Variants in HECW1 observed in about 807,000 individuals in gnomAD.
HECW1 encodes HECT, C2 and WW domain containing E3 ubiquitin protein ligase 1, also known as E3 ubiquitin-protein ligase HECW1.
A neutral mutation model predicts 182.3 loss-of-function variants in HECW1; 61 were observed. The observed-to-expected ratio is 0.33, with a 90% CI of 0.27 to 0.41. HECW1 has a LOEUF of 0.41. HECW1 is among the 10% of genes least tolerant of loss of function. HECW1 has a pLI of 1.00. For synonymous variants in HECW1, 859 were observed against 832.6 expected, an observed-to-expected ratio of 1.03 and a Z score of -0.55; for missense variants, 1,739 against 2,108.9, an observed-to-expected ratio of 0.82 and a Z score of 3.44.
intron 24 of HECW1, among the ~76,000 whole-genome samples, chr7:43,524,514 G>A (rs1289804447): frequency 6.6e-6 from 1 of 152,130 alleles, no homozygotes; most frequent in African/African-American, 2.4e-5. Context: ...CTTTGAGATG[G>A]GTTTTTAAAA....
At chr7:43,166,890 A>G (rs1791180237) in intron 2 of HECW1, among the ~76,000 whole-genome samples, 1 of 152,212 alleles carries the variant, frequency 6.6e-6, no homozygotes, top group Admixed American at 6.5e-5. Flanking sequence ...GTGCTCCTGG[A>G]GAGCTCAGCA....
intron 19 of HECW1, among the ~76,000 whole-genome samples, chr7:43,495,160 A>C (rs1421107354): frequency 2.0e-5 from 3 of 152,124 alleles, no homozygotes; most frequent in Non-Finnish European, 4.4e-5. Context: ...AATGTGCAGA[A>C]AGTGCAGGAT....
intron 24 of HECW1, among the ~76,000 whole-genome samples, chr7:43,516,164 C>T (rs946899133): frequency 1.3e-5 from 2 of 151,992 alleles, no homozygotes; most frequent in African/African-American, 4.8e-5. Flanking sequence ...CGTTTCTTCC[C>T]GAAAATGTAA....
chr7:43,525,286 A>G (rs1003468159), intron 24 of HECW1, among the ~76,000 whole-genome samples: 5 of 152,270 alleles, frequency 3.3e-5, no homozygotes, highest in Admixed American at 2.6e-4. Context: ...CTGAAAATGT[A>G]ATTTCCATGA....
chr7:43,290,390 T>G (rs879656048), intron 3 of HECW1, among the ~76,000 whole-genome samples: 3 of 152,242 alleles, frequency 2.0e-5, no homozygotes, highest in Non-Finnish European at 4.4e-5. Context: ...TGACTTGCAT[T>G]GCATGGCTTT....
intron 16 of HECW1, among the ~76,000 whole-genome samples, chr7:43,476,840 A>G (rs1025971878): frequency 2.6e-5 from 4 of 152,174 alleles, no homozygotes; most frequent in Non-Finnish European, 4.4e-5. Context: ...CTAGAAAAAT[A>G]TAGTTAAACA....
At chr7:43,463,886 GGA>G in intron 14 of HECW1, 87 bp downstream of exon 14, 1 of 1,444,938 alleles carries the variant, frequency 6.9e-7, no homozygotes, top group Non-Finnish European at 9.5e-7. Context: ...TGCCTCATGG[GGA>G]GCAATGTGCC....
chr7:43,411,068 G>A (rs1457676689), intron 8 of HECW1, among the ~76,000 whole-genome samples: 1 of 146,212 alleles, frequency 6.8e-6, no homozygotes, highest in Non-Finnish European at 1.5e-5. Flanking sequence ...TAGCTCCTTA[G>A]GGTAAAAGTC....
intron 19 of HECW1, among the ~76,000 whole-genome samples, 160 bp from the exon 20 acceptor site, chr7:43,500,539 G>A (rs1369537950): frequency 6.6e-6 from 1 of 152,160 alleles, no homozygotes; most frequent in Admixed American, 6.5e-5. Flanking sequence ...AGAGCATCCT[G>A]AGAGCCTGTG....
intron 2 of HECW1, among the ~76,000 whole-genome samples, chr7:43,129,408 C>G (rs555392071): frequency 8.5e-5 from 13 of 152,256 alleles, no homozygotes; most frequent in African/African-American, 2.2e-4. Context: ...CATTTCTTAG[C>G]ATATTTTTGA....
At position 43,414,576 on chromosome 7, in the gene HECW1, G is replaced by A. The variant is rs2075922662; in HGVS notation, c.801+6845G>A. ...CTTCCAGTTTTTGCCCATTCAGTATGATATTGGCTGTGGGTTTGTCATAGA... is the reference window on the plus strand; with the variant it reads ...CTTCCAGTTTTTGCCCATTCAGTATAATATTGGCTGTGGGTTTGTCATAGA... On this transcript the variant is annotated intron_variant, in intron 8 of 29. Coordinates refer to ENST00000395891, the MANE Select transcript of HECW1 (RefSeq NM_015052.5). Among the ~76,000 whole-genome samples, 7 of 144,710 alleles carry A rather than the reference G, an allele frequency of 4.8e-5. No individual in the cohort carries two copies. In the South Asian group the frequency reaches 1.5e-3, roughly 30 times the overall value. The allele number at this position is 144,710 out of a possible 152,430, so 94.9% of individuals were successfully genotyped here.
intron 5 of HECW1, among the ~76,000 whole-genome samples, chr7:43,351,569 C>T (rs1814456697): frequency 6.6e-6 from 1 of 151,964 alleles, no homozygotes. Flanking sequence ...GTGAGATTCC[C>T]AGGAGTGACA....
At chr7:43,225,958 A>G (rs1797387451) in intron 2 of HECW1, among the ~76,000 whole-genome samples, 1 of 152,032 alleles carries the variant, frequency 6.6e-6, no homozygotes, top group Non-Finnish European at 1.5e-5. Flanking sequence ...TTTTTAGTAG[A>G]GACGAGGTCA....
intron 2 of HECW1, among the ~76,000 whole-genome samples, chr7:43,179,103 T>A (rs892001387): frequency 1.3e-5 from 2 of 152,218 alleles, no homozygotes; most frequent in Non-Finnish European, 2.9e-5. Context: ...TCATCTCCTT[T>A]CCTCCGCAGT....
chr7:43,364,492 G>A (rs1183319013), intron 6 of HECW1, among the ~76,000 whole-genome samples: 12 of 152,348 alleles, frequency 7.9e-5, no homozygotes, highest in South Asian at 4.1e-4. Flanking sequence ...GTACTGGAGC[G>A]TGAAGCCTGC....
rs10268495 is a variant in HECW1, at chr7:43,555,334, G to A, written c.4709+544G>A. ...GTGGGATAAATGTGGAAAAGGAGAC[G>A]CTGGGGCTCCAGGCAGTTTTACAGA... On this transcript the variant is annotated intron_variant, in intron 29 of 29. Coordinates refer to ENST00000395891, the MANE Select transcript of HECW1 (RefSeq NM_015052.5). 8.6e-3 allele frequency among the ~76,000 whole-genome samples: 1,314 copies of A among 152,236 alleles called. 16 individuals are homozygous for A. Among genetic ancestry groups the A allele is most frequent in the African/African-American group, 0.028 (1,163 of 41,536 alleles).
At chr7:43,379,018 C>G (rs759732660) in intron 6 of HECW1, among the ~76,000 whole-genome samples, 31 of 152,124 alleles carry the variant, frequency 2.0e-4, no homozygotes, top group Non-Finnish European at 4.4e-4. Flanking sequence ...CTCACACAAG[C>G]ACTGTGTTGG....
intron 7 of HECW1, among the ~76,000 whole-genome samples, chr7:43,402,092 C>G (rs976845320): frequency 2.0e-5 from 3 of 152,128 alleles, no homozygotes; most frequent in African/African-American, 4.8e-5. Flanking sequence ...ACCACTCATC[C>G]TGCTGAGAGC....
At chr7:43,202,826 CT>C (rs1348565242) in intron 2 of HECW1, among the ~76,000 whole-genome samples, 1 of 152,198 alleles carries the variant, frequency 6.6e-6, no homozygotes, top group Non-Finnish European at 1.5e-5. Context: ...TGATTCCTGC[CT>C]TGACTGATGA....
Sources: gnomAD v4.1 joint callset for allele counts (sites outside exome capture counted in the v4.1 genomes callset) on GRCh38, gnomAD v4.1.1 for gene constraint, MANE v1.5 for transcripts, NCBI Gene and HGNC (gene_info 2026-07-23, HGNC 2026-07-21) for gene names.